LEP: variants seen among roughly 807,000 people sequenced by gnomAD.
LEP encodes leptin.
In LEP, 6 loss-of-function variants were observed where a neutral mutation model predicts 9.8. The observed-to-expected ratio is 0.61, with a 90% CI of 0.34 to 1.21. LEP has a LOEUF of 1.21. Ranked by LOEUF, LEP falls within the 50% of genes most tolerant of loss-of-function variation. LEP has a pLI of 0.04. For missense variants in LEP, 134 were observed against 198.1 expected, an observed-to-expected ratio of 0.68 and a Z score of 1.94; for synonymous variants, 112 against 81.7, an observed-to-expected ratio of 1.37 and a Z score of -2.00.
At position 128,251,973 on chromosome 7, in the gene LEP, G is replaced by C. The variant is rs749909441; in HGVS notation, c.-28-18G>C. 76 of 1,605,038 alleles carry C rather than the reference G, an allele frequency of 4.7e-5. No homozygotes were observed. In the Admixed American group the frequency reaches 1.2e-3, roughly 26 times the overall value. On this transcript the variant is annotated intron_variant, in intron 1 of 2. Transcript: ENST00000308868. The stretch of plus-strand genomic sequence containing the variant: ...GAGATACCGGCTCCTTGCAGTGTGT[G>C]GTTCCTTCTGTTTTCAGGCCCAAGA...
intron 1 of LEP, among the ~76,000 whole-genome samples, chr7:128,243,350 T>C (rs1470570150): frequency 1.3e-5 from 2 of 152,190 alleles, no homozygotes; most frequent in African/African-American, 4.8e-5. Context: ...ACATTTGCTC[T>C]GGGGTGCTCC....
At chr7:128,253,820 G>A (rs1795303085) in intron 2 of LEP, among the ~76,000 whole-genome samples, 1 of 152,264 alleles carries the variant, frequency 6.6e-6, no homozygotes. Flanking sequence ...ACCTTGGGTG[G>A]TGTAATACAC....
At chr7:128,249,663 T>C (rs1021843082) in intron 1 of LEP, among the ~76,000 whole-genome samples, 2 of 152,160 alleles carry the variant, frequency 1.3e-5, no homozygotes, top group Non-Finnish European at 2.9e-5. Context: ...GACAAGATAT[T>C]GGGAAAGACT....
In LEP at chr7:128,251,298, C is replaced by T. The variant is rs28954104; in HGVS notation, c.-28-693C>T. On this transcript the variant is annotated intron_variant, in intron 1 of 2. Coordinates refer to ENST00000308868, the MANE Select transcript of LEP (RefSeq NM_000230.3). ...CATCTGTTGTTCACCATTGCATCCTCGGTGCTGAGCACTGCGTCTGACATA... is the reference window on the plus strand; with the variant it reads ...CATCTGTTGTTCACCATTGCATCCTTGGTGCTGAGCACTGCGTCTGACATA... 5.4e-3 allele frequency among the ~76,000 whole-genome samples: 819 copies of T among 152,296 alleles called. 5 individuals are homozygous for T. The highest frequency in any genetic ancestry group is 0.018 in the African/African-American group (766 of 41,560).
chr7:128,244,607 T>C (rs536171617), intron 1 of LEP, among the ~76,000 whole-genome samples: 1 of 152,280 alleles, frequency 6.6e-6, no homozygotes, highest in African/African-American at 2.4e-5. Flanking sequence ...AAAAATATAT[T>C]TAGAAAGTTG....
chr7:128,252,884 C>A (rs1795292261), intron 2 of LEP, among the ~76,000 whole-genome samples: 1 of 152,018 alleles, frequency 6.6e-6, no homozygotes, highest in African/African-American at 2.4e-5. Flanking sequence ...ACCTCTCTCT[C>A]TAATTTTTAA....
chr7:128,242,305 C>G (rs1795161010), intron 1 of LEP, among the ~76,000 whole-genome samples: 1 of 152,170 alleles, frequency 6.6e-6, no homozygotes, highest in Non-Finnish European at 1.5e-5. Flanking sequence ...AGCACAGGCT[C>G]TCTTCCTTTG....
At position 128,252,007 on chromosome 7, in the gene LEP, C is replaced by T. The variant is rs1389690346; in HGVS notation, c.-12C>T. 6.2e-7 allele frequency: 1 copy of T among 1,614,116 alleles called. No homozygotes were observed. The highest frequency in any genetic ancestry group is 1.1e-5 in the South Asian group (1 of 91,078). On this transcript the variant is annotated 5_prime_UTR_variant, in exon 2 of 3. Coordinates refer to ENST00000308868, the MANE Select transcript of LEP (RefSeq NM_000230.3). ...TGTTTTCAGGCCCAAGAAGCCCATC[C>T]TGGGAAGGAAAATGCATTGGGGAAC...
rs1175247816 is a variant in LEP, at chr7:128,255,093, C to T, written c.*330C>T. ...TGACCCATCTCCCCCTCACTGAATG[C>T]CTCAATGTGACCAGGGGTGATTTCA... On this transcript the variant is annotated 3_prime_UTR_variant, in exon 3 of 3. Coordinates refer to ENST00000308868, the MANE Select transcript of LEP (RefSeq NM_000230.3). 2 of 366,244 alleles carry T rather than the reference C, an allele frequency of 5.5e-6. No individual in the cohort carries two copies. 22.7% of individuals were successfully genotyped at this position (366,244 alleles called of 1,614,324 possible).
chr7:128,246,019 C>T (rs959659637), intron 1 of LEP, among the ~76,000 whole-genome samples: 6 of 151,150 alleles, frequency 4.0e-5, no homozygotes, highest in Non-Finnish European at 8.8e-5. Context: ...TGCAGTGAGC[C>T]GAGGTCACGC....
chr7:128,242,153 T>A (rs891731202), intron 1 of LEP, among the ~76,000 whole-genome samples: 46 of 152,330 alleles, frequency 3.0e-4, no homozygotes, highest in African/African-American at 9.6e-4. Flanking sequence ...AGTGACTCCT[T>A]AAATACAGTT....
At chr7:128,244,866 C>A (rs928048112) in intron 1 of LEP, among the ~76,000 whole-genome samples, 1 of 152,156 alleles carries the variant, frequency 6.6e-6, no homozygotes, top group Non-Finnish European at 1.5e-5. Context: ...CTCTCTGCAG[C>A]CCCACTCTAA....
chr7:128,246,631 A>AT (rs200332485), intron 1 of LEP, among the ~76,000 whole-genome samples: 1 of 135,096 alleles, frequency 7.4e-6, no homozygotes, highest in Non-Finnish European at 1.7e-5. Flanking sequence ...TTTTATTTTT[A>AT]TTTTTATTTT....
chr7:128,244,246 GACACACACACAC>G (rs60815271), intron 1 of LEP, among the ~76,000 whole-genome samples: 5 of 147,144 alleles, frequency 3.4e-5, no homozygotes, highest in African/African-American at 7.5e-5. Flanking sequence ...GCAAGACCCT[GACACACACACAC>G]ACACACACAC....
At chr7:128,251,043 T>C (rs1012333314) in intron 1 of LEP, among the ~76,000 whole-genome samples, 3 of 152,198 alleles carry the variant, frequency 2.0e-5, no homozygotes, top group Admixed American at 1.3e-4. Context: ...CGCCACCATG[T>C]CTTTATACCC....
At position 128,254,300 on chromosome 7, in the gene LEP, G is replaced by C. The variant is rs527944139; in HGVS notation, c.145-104G>C. 5.4e-6 allele frequency: 8 copies of C among 1,477,016 alleles called. No individual in the cohort carries two copies. The African/African-American group carries it at 8.3e-5, about 15-fold the overall frequency. 91.5% of individuals were successfully genotyped at this position (1,477,016 alleles called of 1,614,324 possible). On this transcript the variant is annotated intron_variant, in intron 2 of 2. Transcript: ENST00000308868. ...AAGTGGTGAGGGAGGGTGGAAGGAG[G>C]CAGCCCAGAGAATGACCCTCCATGC...
chr7:128,242,051 C>T (rs1363971941), intron 1 of LEP, among the ~76,000 whole-genome samples: 1 of 152,226 alleles, frequency 6.6e-6, no homozygotes, highest in Non-Finnish European at 1.5e-5. Context: ...CTATAGCCTT[C>T]CTTCAGTCTG....
At position 128,254,904 on chromosome 7, in the gene LEP, C is replaced by A; in HGVS notation, c.*141C>A. On this transcript the variant is annotated 3_prime_UTR_variant, in exon 3 of 3. Coordinates refer to ENST00000308868, the MANE Select transcript of LEP (RefSeq NM_000230.3). ...ATTTCCCTGACTCCTCTAAGCCACT[C>A]TTCCAAAGGCATAAGACCCTAAGCC... 2.2e-6 allele frequency: 2 copies of A among 899,746 alleles called. No homozygotes were observed. The highest frequency in any genetic ancestry group is 3.5e-6 in the Non-Finnish European group (2 of 568,696). The allele number at this position is 899,746 out of a possible 1,614,324, so 55.7% of individuals were successfully genotyped here. A position where few individuals can be genotyped will look rare whatever the true frequency, so the allele number is the denominator to read the frequency against.
Position 128,248,868 on chromosome 7 carries a change from G to A in LEP, c.-28-3123G>A, listed in dbSNP as rs117049059. 3.2e-3 allele frequency among the ~76,000 whole-genome samples: 489 copies of A among 152,222 alleles called. 2 individuals carry two copies. The highest frequency in any genetic ancestry group is 6.8e-3 in the Middle Eastern group (2 of 294). On this transcript the variant is annotated intron_variant, in intron 1 of 2. Transcript: ENST00000308868. ...TGTCTGTTTCTGGCCCACAGTGGGCGATCAATACATGTTAGCCACCAACCA... is the reference window on the plus strand; with the variant it reads ...TGTCTGTTTCTGGCCCACAGTGGGCAATCAATACATGTTAGCCACCAACCA...
Sources: gnomAD v4.1 joint callset for allele counts (sites outside exome capture counted in the v4.1 genomes callset) on GRCh38, gnomAD v4.1.1 for gene constraint, MANE v1.5 for transcripts, NCBI Gene and HGNC (gene_info 2026-07-23, HGNC 2026-07-21) for gene names.